The following TIMELESS variants were observed in gnomAD, a reference collection of about 807,000 sequenced individuals.
TIMELESS encodes timeless circadian regulator, also known as protein timeless homolog.
A neutral mutation model predicts 164.3 loss-of-function variants in TIMELESS; 124 were observed. The observed-to-expected ratio is 0.75, with a 90% CI of 0.65 to 0.88. The LOEUF (loss-of-function observed/expected upper bound fraction) is 0.88, where lower values mean the gene tolerates loss of function less well. Ranked by LOEUF, TIMELESS falls within the 40% of genes least tolerant of loss-of-function variation. The pLI is 0.00. For synonymous variants in TIMELESS, 564 were observed against 563.4 expected (o/e 1.00, Z -0.02); for missense variants, 1,422 against 1,491.4 (o/e 0.95, Z 0.77).
In TIMELESS at chr12:56,431,571, G is replaced by T. The variant is rs199809988; in HGVS notation, c.721C>A (p.Arg241Ser). The T allele has an allele frequency of 2.5e-6, 4 of 1,613,428 alleles. No individual in the cohort carries two copies. Among genetic ancestry groups the T allele is most frequent in the African/African-American group, 1.3e-5 (1 of 74,824 alleles). ...PEQLAGVGQG[R>S]LAQERSADFA... Reference sequence around the variant, plus strand: ...TCTGCACTCCGCTCCTGAGCTAAGCGTCCCTGCCCTACTCCCGCCAGCTGC... The same window carrying T: ...TCTGCACTCCGCTCCTGAGCTAAGCTTCCCTGCCCTACTCCCGCCAGCTGC... The change falls in exon 8 of 29, where the codon CGC (arginine) becomes AGC (serine). Residue 241 changes from arginine (R) to serine (S), a missense_variant. By Grantham distance (110) the Arg-to-Ser change is moderately radical (BLOSUM62 -1). Transcript: ENST00000553532.
At chr12:56,448,987 T>C (rs1227547628) in intron 1 of TIMELESS, among the ~76,000 whole-genome samples, 1 of 151,822 alleles carries the variant, frequency 6.6e-6, no homozygotes, top group African/African-American at 2.4e-5. Flanking sequence ...GATGCTAAGC[T>C]CCGAAGTGGA....
intron 6 of TIMELESS, 33 bp from the exon 7 acceptor site, chr12:56,432,557 C>T: frequency 6.2e-7 from 1 of 1,602,312 alleles, no homozygotes; most frequent in South Asian, 1.1e-5. Context: ...AGAAAGGAAG[C>T]TCATTCAATC....
rs530410539 is a variant in TIMELESS at position 56,429,222 on chromosome 12, G to A, written c.1087-122C>T. 256 of 820,698 alleles carry A rather than the reference G, an allele frequency of 3.1e-4. No homozygotes were observed. The East Asian group carries it at 4.6e-3, about 15-fold the overall frequency. 50.8% of individuals were successfully genotyped at this position (820,698 alleles called of 1,614,324 possible). ...GTCATAATTTTTTTTTTTTTGAGGC[G>A]GAGTCTCACTCTATTGCCCAGGCTG... On this transcript the variant is annotated intron_variant, in intron 10 of 28. Coordinates refer to ENST00000553532, the MANE Select transcript of TIMELESS (RefSeq NM_003920.5).
At chr12:56,446,067 G>T (rs1868346288) in intron 1 of TIMELESS, among the ~76,000 whole-genome samples, 1 of 152,112 alleles carries the variant, frequency 6.6e-6, no homozygotes, top group Non-Finnish European at 1.5e-5. Flanking sequence ...ACCACACCCT[G>T]CTAATTTTTG....
intron 13 of TIMELESS, among the ~76,000 whole-genome samples, chr12:56,427,505 G>A (rs532410508): frequency 2.6e-5 from 4 of 152,288 alleles, no homozygotes; most frequent in East Asian, 1.9e-4. Flanking sequence ...AGACCGACAC[G>A]ACCAGCTTGA....
chr12:56,428,550 C>T lies in TIMELESS; in HGVS notation c.1407G>A (p.Lys469=), dbSNP rs929091248. Residue 469 remains lysine, a splice_region_variant and synonymous_variant, in exon 12 of 29, where the codon AAG becomes AAA. Transcript: ENST00000553532. The part of the protein sequence containing the change: ...EAVRESSRII[K]NNIFYVMEYR... ...TCGGGGACCAGGCCAGGGCCTCACT[C>T]TTGATGATGCGGCTGCTCTCCCTCA... The T allele has an allele frequency of 6.2e-7, 1 of 1,613,950 alleles. No homozygotes were observed. The highest frequency in any genetic ancestry group is 8.5e-7 in the Non-Finnish European group (1 of 1,179,884).
chr12:56,446,302 G>A (rs1406001339), intron 1 of TIMELESS, among the ~76,000 whole-genome samples: 6 of 152,160 alleles, frequency 3.9e-5, no homozygotes, highest in South Asian at 4.1e-4. Flanking sequence ...CATAGTGATC[G>A]TCTCTGAGAA....
chr12:56,448,118 T>C (rs1431805420), intron 1 of TIMELESS, among the ~76,000 whole-genome samples: 1 of 152,136 alleles, frequency 6.6e-6, no homozygotes, highest in Non-Finnish European at 1.5e-5. Context: ...TACAAAGTAC[T>C]AGTAGGGCCG....
Position 56,449,344 on chromosome 12 carries a change from C to T in TIMELESS, c.-96G>A, listed in dbSNP as rs1868490963. On this transcript the variant is annotated 5_prime_UTR_variant, in exon 1 of 29. Transcript: ENST00000553532. ...GCGGGTCCTCAGAAGCCCGGAGGAG[C>T]CACCGGCCCTCTGGCGCGGGGCCGC... The T allele has an allele frequency of 6.6e-6, 1 of 152,292 alleles. No individual in the cohort carries two copies. The highest frequency in any genetic ancestry group is 2.4e-5 in the African/African-American group (1 of 41,474). 9.4% of individuals were successfully genotyped at this position (152,292 alleles called of 1,614,324 possible).
Position 56,422,107 on chromosome 12 carries a change from T to G in TIMELESS, c.2523A>C (p.Glu841Asp). ...TCTCCAGATCCCAAGGCCTCTCACC[T>G]TCCACGTCCTTATTGGCGAGGTACA... ...RELYLANKDV[E>D]GQDVVEAILA... The change falls in exon 20 of 29, where the codon GAA (glutamate) becomes GAC (aspartate). Residue 841 changes from glutamate to aspartate, a missense_variant and splice_region_variant. By Grantham distance (45) the Glu-to-Asp change is conservative. Coordinates refer to ENST00000553532, the MANE Select transcript of TIMELESS (RefSeq NM_003920.5). The G allele has an allele frequency of 6.2e-7, 1 of 1,614,174 alleles. No individual in the cohort carries two copies. The highest frequency in any genetic ancestry group is 8.5e-7 in the Non-Finnish European group (1 of 1,180,016).
chr12:56,428,366 AGG>A lies in TIMELESS; in HGVS notation c.1446_1447del (p.Leu483GlyfsTer7). 6.2e-7 allele frequency: 1 copy of A among 1,613,192 alleles called. No homozygotes were observed. Among genetic ancestry groups the A allele is most frequent in the Non-Finnish European group, 8.5e-7 (1 of 1,179,226 alleles). On this transcript the variant is annotated frameshift_variant, in exon 13 of 29. Transcript: ENST00000553532. LOFTEE classifies it high-confidence loss of function. ...CTCATCAAACTTTCGAAAAAGTGCC[AGG>A]AATAGTTCTCGGTACTCCATCACAT...
Position 56,416,931 on chromosome 12 carries a change from C to A in TIMELESS, c.*785G>T, listed in dbSNP as rs1438855912. ...TGGAGATGGGATTTCGCCATATTGTCCAGGCCGGTCTCAAACTCCTGACCT... is the reference window on the plus strand; with the variant it reads ...TGGAGATGGGATTTCGCCATATTGTACAGGCCGGTCTCAAACTCCTGACCT... On this transcript the variant is annotated 3_prime_UTR_variant, in exon 29 of 29. Transcript: ENST00000553532. The A allele has an allele frequency of 6.6e-6, 1 of 152,066 alleles. No homozygotes were observed. The highest frequency in any genetic ancestry group is 6.6e-5 in the Admixed American group (1 of 15,254). 9.4% of individuals were successfully genotyped at this position (152,066 alleles called of 1,614,324 possible).
rs201054548 is a variant in TIMELESS at position 56,423,579 on chromosome 12, C to T, written c.2090+5G>A. On this transcript the variant is annotated splice_donor_5th_base_variant and intron_variant, in intron 17 of 28. Transcript: ENST00000553532. ...TAGGACCAACTCAGGCCTCTCAGCC[C>T]GCACCGTTTCAGGTAGTCCAGAAAA... 1.2e-4 allele frequency: 190 copies of T among 1,613,900 alleles called. No individual in the cohort carries two copies. The highest frequency in any genetic ancestry group is 1.5e-4 in the Non-Finnish European group (174 of 1,179,976).
chr12:56,436,221 AG>A (rs2136148348), intron 1 of TIMELESS, among the ~76,000 whole-genome samples: 1 of 152,280 alleles, frequency 6.6e-6, no homozygotes, highest in African/African-American at 2.4e-5. Context: ...TGGGAGGCCG[AG>A]GTGTGTGGAT....
intron 1 of TIMELESS, among the ~76,000 whole-genome samples, chr12:56,434,723 C>T (rs566376976): frequency 1.1e-4 from 17 of 152,024 alleles, no homozygotes; most frequent in Non-Finnish European, 1.9e-4. Flanking sequence ...GGCAACAGAG[C>T]GAGACTCTGT....
rs1351087970 is a variant in TIMELESS, at chr12:56,423,255, T to C, written c.2292+19A>G. 1.2e-6 allele frequency: 2 copies of C among 1,613,544 alleles called. No individual in the cohort carries two copies. The highest frequency in any genetic ancestry group is 1.3e-5 in the African/African-American group (1 of 74,886). On this transcript the variant is annotated intron_variant, in intron 18 of 28. Transcript: ENST00000553532. ...GTTCCCATACCCTTCCAGAACCCCA[T>C]TCCTTGTTATCCCCTCACTTTGTAG...
intron 11 of TIMELESS, 54 bp from the exon 12 acceptor site, chr12:56,428,706 T>A: frequency 6.5e-7 from 1 of 1,544,582 alleles, no homozygotes; most frequent in South Asian, 1.1e-5. Flanking sequence ...CAATGGCCCA[T>A]GGAAACAGCA....
At chr12:56,436,893 G>A (rs192069526) in intron 1 of TIMELESS, among the ~76,000 whole-genome samples, 1 of 151,946 alleles carries the variant, frequency 6.6e-6, no homozygotes, top group Non-Finnish European at 1.5e-5. Context: ...GCATTCTCCA[G>A]TGCCTAGAAT....
At chr12:56,426,040 A>T (rs923324638) in intron 13 of TIMELESS, among the ~76,000 whole-genome samples, 3 of 152,176 alleles carry the variant, frequency 2.0e-5, no homozygotes, top group Non-Finnish European at 4.4e-5. Flanking sequence ...ATGCTCCATT[A>T]AAGAACTTAC....
Sources: gnomAD v4.1 joint callset for allele counts (sites outside exome capture counted in the v4.1 genomes callset) on GRCh38, gnomAD v4.1.1 for gene constraint, MANE v1.5 for transcripts, NCBI Gene and HGNC (gene_info 2026-07-23, HGNC 2026-07-21) for gene names.